LRRIQ3: variants seen among roughly 807,000 people sequenced by gnomAD.
The protein encoded by LRRIQ3 is leucine-rich repeat and IQ domain-containing protein 3.
A neutral mutation model predicts 59.3 loss-of-function variants in LRRIQ3; 75 were observed. The observed-to-expected ratio is 1.26, with a 90% CI of 1.05 to 1.53. LRRIQ3 has a LOEUF of 1.53. Among genes scored for constraint, LRRIQ3 ranks in the 40% most tolerant of loss-of-function variants. LRRIQ3 has a pLI of 0.00. For synonymous variants in LRRIQ3, 250 were observed against 231.3 expected (o/e 1.08, Z -0.73); for missense variants, 831 against 710.0 (o/e 1.17, Z -1.94).
intron 7 of LRRIQ3, among the ~76,000 whole-genome samples, chr1:74,027,186 A>C (rs1252028633): frequency 6.6e-6 from 1 of 152,092 alleles, no homozygotes; most frequent in Non-Finnish European, 1.5e-5. Context: ...AAATTCTCAC[A>C]AACTATGGCT....
In LRRIQ3 at chr1:74,084,204, A is replaced by C. The variant is rs766164258; in HGVS notation, c.868-9414T>G. The C allele has an allele frequency of 1.1e-5, 17 of 1,539,506 alleles. No individual in the cohort carries two copies. The South Asian group carries it at 1.8e-4, about 16-fold the overall frequency. On this transcript the variant is annotated intron_variant, in intron 5 of 7. Coordinates refer to ENST00000354431, the MANE Select transcript of LRRIQ3 (RefSeq NM_001105659.2). ...CCACTTCAGTGAAAATTGACCCATAATTTTTTTTTATCCTGAAGAAAAATA... is the reference window on the plus strand; with the variant it reads ...CCACTTCAGTGAAAATTGACCCATACTTTTTTTTTATCCTGAAGAAAAATA...
chr1:74,052,379 CA>C (rs1401152020), intron 6 of LRRIQ3, among the ~76,000 whole-genome samples: 1 of 152,078 alleles, frequency 6.6e-6, no homozygotes, highest in Admixed American at 6.6e-5. Flanking sequence ...GGAAGTTACT[CA>C]AATTCACGAT....
rs1444769275 is a variant in LRRIQ3 at position 74,182,539 on chromosome 1, T to C, written c.572A>G (p.Lys191Arg). The change falls in exon 3 of 8, where the codon AAG (lysine) becomes AGG (arginine). Residue 191 changes from lysine to arginine, a missense_variant and splice_region_variant. Transcript: ENST00000354431. ...LFFNFCPALR[K>R]GTTYEEEINN... The stretch of plus-strand genomic sequence containing the variant: ...TGAAACCCTAAAGAAGCCAATTACC[T>C]TTCTCAAAGCTGGGCAGAAATTAAA... 1 of 1,521,582 alleles carries C rather than the reference T, an allele frequency of 6.6e-7. No homozygotes were observed. The highest frequency in any genetic ancestry group is 8.8e-7 in the Non-Finnish European group (1 of 1,137,372). 94.3% of individuals were successfully genotyped at this position (1,521,582 alleles called of 1,614,324 possible).
At chr1:74,038,582 C>T (rs762167823) in intron 7 of LRRIQ3, among the ~76,000 whole-genome samples, 6 of 152,128 alleles carry the variant, frequency 3.9e-5, no homozygotes, top group Non-Finnish European at 8.8e-5. Flanking sequence ...AGGTGCCTCT[C>T]GAGGTCAGAG....
chr1:74,170,772 C>T (rs570091820), intron 3 of LRRIQ3, among the ~76,000 whole-genome samples: 4 of 152,202 alleles, frequency 2.6e-5, no homozygotes, highest in African/African-American at 9.6e-5. Flanking sequence ...GTGGGATAGA[C>T]ATTTTAACAA....
chr1:74,050,612 A>G (rs1654341910), intron 6 of LRRIQ3: 6 of 982,460 alleles, frequency 6.1e-6, no homozygotes, highest in Non-Finnish European at 7.3e-6. Context: ...TAAAATCAGC[A>G]TAGCTGTGAT....
chr1:74,171,592 T>G (rs898150274), intron 3 of LRRIQ3, among the ~76,000 whole-genome samples: 4 of 152,188 alleles, frequency 2.6e-5, no homozygotes, highest in Admixed American at 6.5e-5. Flanking sequence ...ATCACAGATA[T>G]TGACCTGTAG....
chr1:74,185,347 G>A lies in LRRIQ3; in HGVS notation c.1-1663C>T, dbSNP rs557854292. ...TTTGATTTTGGTCATATTAATAGGT[G>A]AATAATGGTATCTCATTGCTTTAAT... On this transcript the variant is annotated intron_variant, in intron 1 of 7. Transcript: ENST00000354431. 2.0e-5 allele frequency among the ~76,000 whole-genome samples: 3 copies of A among 152,236 alleles called. 1 individual carries two copies. The South Asian group carries it at 6.2e-4, about 32-fold the overall frequency.
intron 6 of LRRIQ3, among the ~76,000 whole-genome samples, chr1:74,053,798 G>A (rs1654443940): frequency 1.3e-5 from 2 of 152,156 alleles, no homozygotes; most frequent in African/African-American, 4.8e-5. Flanking sequence ...TGTTATTAGA[G>A]AATTGTAACT....
intron 4 of LRRIQ3, among the ~76,000 whole-genome samples, chr1:74,135,648 G>C (rs144318420): frequency 0.011 from 1,686 of 151,976 alleles, 36 homozygotes; most frequent in African/African-American, 0.039. Flanking sequence ...CCATAACCAT[G>C]GGGACAGGAA....
chr1:74,081,283 A>C (rs1391754296), intron 5 of LRRIQ3, among the ~76,000 whole-genome samples: 6 of 151,652 alleles, frequency 4.0e-5, no homozygotes, highest in African/African-American at 1.4e-4. Flanking sequence ...GGGCACCTGA[A>C]TATTATATTA....
intron 3 of LRRIQ3, among the ~76,000 whole-genome samples, chr1:74,161,320 T>C (rs1648646078): frequency 6.6e-6 from 1 of 152,082 alleles, no homozygotes; most frequent in Admixed American, 6.6e-5. Context: ...ACTGGCCACA[T>C]TTAGACCATA....
intron 1 of LRRIQ3, among the ~76,000 whole-genome samples, chr1:74,189,828 G>A (rs775582253): frequency 6.6e-6 from 1 of 152,074 alleles, no homozygotes; most frequent in Non-Finnish European, 1.5e-5. Context: ...ATGGAACTGT[G>A]AGTCCACTGA....
chr1:74,045,111 T>C (rs1654161802), intron 6 of LRRIQ3, among the ~76,000 whole-genome samples: 1 of 152,134 alleles, frequency 6.6e-6, no homozygotes, highest in Non-Finnish European at 1.5e-5. Context: ...ACTCATTTTA[T>C]GGGGCAAGCA....
intron 7 of LRRIQ3, among the ~76,000 whole-genome samples, chr1:74,037,212 T>G (rs1403967755): frequency 6.6e-6 from 1 of 152,176 alleles, no homozygotes; most frequent in East Asian, 1.9e-4. Flanking sequence ...ATACAAAGAC[T>G]TGATTATTTT....
At chr1:74,119,386 G>A (rs1288438780) in intron 4 of LRRIQ3, among the ~76,000 whole-genome samples, 2 of 151,490 alleles carry the variant, frequency 1.3e-5, no homozygotes, top group Non-Finnish European at 2.9e-5. Flanking sequence ...ATTTTTTTCT[G>A]ACTCATTTTT....
chr1:74,138,426 C>G (rs1647165511), intron 4 of LRRIQ3: 1 of 953,884 alleles, frequency 1.0e-6, no homozygotes, highest in Non-Finnish European at 1.2e-6. Flanking sequence ...CAATCCATTA[C>G]CAGACTTACA....
intron 3 of LRRIQ3, among the ~76,000 whole-genome samples, chr1:74,162,159 T>C (rs540365698): frequency 8.0e-4 from 121 of 152,006 alleles, no homozygotes; most frequent in African/African-American, 2.8e-3. Flanking sequence ...AACAGTTTTA[T>C]AGCAATACTT....
chr1:74,173,980 G>A (rs1217647225), intron 3 of LRRIQ3, among the ~76,000 whole-genome samples: 2 of 152,076 alleles, frequency 1.3e-5, no homozygotes, highest in Admixed American at 1.3e-4. Flanking sequence ...CAAGGTTTCT[G>A]ATGTATCTTG....
Sources: gnomAD v4.1 joint callset for allele counts (sites outside exome capture counted in the v4.1 genomes callset) on GRCh38, gnomAD v4.1.1 for gene constraint, MANE v1.5 for transcripts, NCBI Gene and HGNC (gene_info 2026-07-23, HGNC 2026-07-21) for gene names.